The following PRRC2B variants were observed in gnomAD, a reference collection of about 807,000 sequenced individuals.
PRRC2B encodes proline rich coiled-coil 2B, also known as protein PRRC2B.
PRRC2B carries 68 observed loss-of-function variants against 242.3 expected under a neutral mutation model. That is an observed-to-expected ratio of 0.28 (90% confidence interval 0.23 to 0.34). The LOEUF is 0.34. Ranked by LOEUF, PRRC2B falls within the 10% of genes least tolerant of loss-of-function variation. The pLI, the probability that PRRC2B is intolerant of heterozygous loss-of-function variation, is 1.00. For missense variants in PRRC2B, 2,835 were observed against 2,954.8 expected (o/e 0.96, Z 0.94); for synonymous variants, 1,228 against 1,173.6 (o/e 1.05, Z -0.95).
intron 1 of PRRC2B, among the ~76,000 whole-genome samples, chr9:131,382,628 C>T (rs1473039144): frequency 1.3e-5 from 2 of 151,636 alleles, no homozygotes; most frequent in Non-Finnish European, 2.9e-5. Flanking sequence ...ATTTTTAGCT[C>T]CAGGCCCCCA....
At chr9:131,432,106 T>C (rs1838196147) in intron 2 of PRRC2B, among the ~76,000 whole-genome samples, 1 of 152,132 alleles carries the variant, frequency 6.6e-6, no homozygotes, top group Non-Finnish European at 1.5e-5. Context: ...TTATCAGCCT[T>C]TTTAGCTTTC....
At chr9:131,483,523 A>G in intron 23 of PRRC2B, 78 bp downstream of exon 23, 2 of 1,295,004 alleles carry the variant, frequency 1.5e-6, no homozygotes, top group Non-Finnish European at 2.2e-6. Flanking sequence ...CAGCACATGT[A>G]TTTCAGGCTG....
At chr9:131,393,499 G>A (rs1480149519), upstream of PRRC2B, among the ~76,000 whole-genome samples, 29 of 152,182 alleles carry the variant, frequency 1.9e-4, no homozygotes, top group Admixed American at 1.9e-3. Flanking sequence ...TTTTCATTTT[G>A]TAAAAATGGG....
At position 131,474,654 on chromosome 9, in the gene PRRC2B, C is replaced by T. The variant is rs1329521519; in HGVS notation, c.2525C>T (p.Ala842Val). 4 of 1,613,766 alleles carry T rather than the reference C, an allele frequency of 2.5e-6. No individual in the cohort carries two copies. Among genetic ancestry groups the T allele is most frequent in the Non-Finnish European group, 3.4e-6 (4 of 1,179,786 alleles). Residue 842 changes from alanine (A) to valine (V), a missense_variant, in exon 16 of 32, where the codon GCT becomes GTT. Coordinates refer to ENST00000683519, the MANE Select transcript of PRRC2B (RefSeq NM_013318.4). ...CAAGAAAATGTTCAGGATGCAGGTGCTCCTGGGGGTCACACCCAAAACCTC... is the reference window on the plus strand; with the variant it reads ...CAAGAAAATGTTCAGGATGCAGGTGTTCCTGGGGGTCACACCCAAAACCTC... ...PPQENVQDAG[A>V]PGGHTQNLRC...
At chr9:131,438,882 G>A in intron 4 of PRRC2B, 107 bp from the exon 5 acceptor site, 1 of 818,148 alleles carries the variant, frequency 1.2e-6, no homozygotes, top group East Asian at 2.7e-5. Flanking sequence ...GATCCGTATA[G>A]GGTTTGAATC....
chr9:131,477,336 AT>A, intron 16 of PRRC2B, among the ~76,000 whole-genome samples: 1 of 152,260 alleles, frequency 6.6e-6, no homozygotes, highest in African/African-American at 2.4e-5. Flanking sequence ...GTGGCATCTA[AT>A]CCAGCTTTCC....
At chr9:131,452,359 T>C (rs1942949596) in intron 9 of PRRC2B, among the ~76,000 whole-genome samples, 1 of 152,168 alleles carries the variant, frequency 6.6e-6, no homozygotes, top group Non-Finnish European at 1.5e-5. Context: ...TCAGTTTTCA[T>C]TGTGGAAATG....
Position 131,436,503 on chromosome 9 carries a change from T to C in PRRC2B, c.294-117T>C, listed in dbSNP as rs1838377617. 4.4e-6 allele frequency: 3 copies of C among 674,288 alleles called. No individual in the cohort carries two copies. The Admixed American group carries it at 8.4e-5, about 19-fold the overall frequency. The allele number at this position is 674,288 out of a possible 1,614,324, so 41.8% of individuals were successfully genotyped here. A position where few individuals can be genotyped will look rare whatever the true frequency, so the allele number is the denominator to read the frequency against. On this transcript the variant is annotated intron_variant, in intron 3 of 31. Transcript: ENST00000683519. ...CTACTGGGGAAAGTCGTATTTTTAT[T>C]GGCCAGAGGAGGTCTGCTTCCTGTG...
At chr9:131,416,326 C>A (rs1432297063) in intron 1 of PRRC2B, among the ~76,000 whole-genome samples, 1 of 152,106 alleles carries the variant, frequency 6.6e-6, no homozygotes, top group East Asian at 1.9e-4. Context: ...CCAGGCTGGT[C>A]TCGAACCCCT....
Position 131,473,543 on chromosome 9 carries a change from A to T in PRRC2B, c.2143A>T (p.Asn715Tyr). Residue 715 changes from asparagine to tyrosine, a missense_variant, in exon 15 of 32, where the codon AAT becomes TAT. Transcript: ENST00000683519. ...MKPMMPQESL[N>Y]GTGCRSEDQN... Reference sequence around the variant, plus strand: ...GCCCATGATGCCCCAGGAGTCCCTCAATGGGACAGGCTGTCGCTCTGAGGA... The same window carrying T: ...GCCCATGATGCCCCAGGAGTCCCTCTATGGGACAGGCTGTCGCTCTGAGGA... The T allele has an allele frequency of 6.2e-7, 1 of 1,608,778 alleles. No individual in the cohort carries two copies. The highest frequency in any genetic ancestry group is 1.1e-5 in the South Asian group (1 of 89,884).
chr9:131,424,717 C>T (rs544093234), intron 1 of PRRC2B, among the ~76,000 whole-genome samples: 21 of 152,160 alleles, frequency 1.4e-4, no homozygotes, highest in Middle Eastern at 3.4e-3. Flanking sequence ...AGATGGAGGG[C>T]ATTAAAGAAA....
Position 131,476,476 on chromosome 9 carries a change from T to C in PRRC2B, c.4347T>C (p.Gly1449=). The change falls in exon 16 of 32, where the codon GGT becomes GGC. Residue 1449 remains glycine (G), a synonymous_variant. Transcript: ENST00000683519. ...GFGEKPVRPG[G]GDTSPRYESQ... ...GGGAGAAGCCCGTTAGGCCAGGTGG[T>C]GGTGACACCTCCCCTCGCTATGAGA... The C allele has an allele frequency of 6.2e-7, 1 of 1,612,160 alleles. No homozygotes were observed. The highest frequency in any genetic ancestry group is 1.1e-5 in the South Asian group (1 of 90,972).
chr9:131,475,633 C>A lies in PRRC2B; in HGVS notation c.3504C>A (p.Thr1168=). Residue 1168 remains threonine (T), a synonymous_variant, in exon 16 of 32, where the codon ACC becomes ACA. Transcript: ENST00000683519. The stretch of plus-strand genomic sequence containing the variant: ...CGCTCCTGGAGAGGGAGGAGAGCAC[C>A]TTGAAGAAGGGCGACTGCAGAGATT... ...EGSLLEREES[T]LKKGDCRDSW... is the part of the protein sequence containing the mutation. The A allele has an allele frequency of 1.2e-6, 2 of 1,611,554 alleles. No individual in the cohort carries two copies. Among genetic ancestry groups the A allele is most frequent in the South Asian group, 1.1e-5 (1 of 90,886 alleles).
At chr9:131,468,837 G>C (rs2131431748) in intron 13 of PRRC2B, among the ~76,000 whole-genome samples, 1 of 152,146 alleles carries the variant, frequency 6.6e-6, no homozygotes, top group East Asian at 1.9e-4. Context: ...CTCTCCTCTG[G>C]GCACCTGGGA....
At chr9:131,402,092 C>T (rs1421246992) in intron 1 of PRRC2B, among the ~76,000 whole-genome samples, 2 of 152,002 alleles carry the variant, frequency 1.3e-5, no homozygotes, top group Non-Finnish European at 2.9e-5. Context: ...GCCTCAGCCT[C>T]CTGAATAGCT....
rs1409515522 is a variant in PRRC2B at position 131,447,693 on chromosome 9, C to T, written c.1009C>T (p.Leu337Phe). 1.2e-6 allele frequency: 2 copies of T among 1,611,372 alleles called. No individual in the cohort carries two copies. Among genetic ancestry groups the T allele is most frequent in the South Asian group, 1.1e-5 (1 of 90,718 alleles). ...AAACAGGCTGGGATTGTCTCGCCCA[C>T]TCCGCCCACTAAGGCAGCTGGTGGA... ...KENRLGLSRP[L>F]RPLRQLVERA... is the part of the protein sequence containing the mutation. Residue 337 changes from leucine (L) to phenylalanine (F), a missense_variant, in exon 9 of 32, where the codon CTC becomes TTC. Transcript: ENST00000683519.
At chr9:131,389,260 A>G (rs1836868542), upstream of PRRC2B, among the ~76,000 whole-genome samples, 1 of 147,446 alleles carries the variant, frequency 6.8e-6, no homozygotes, top group Admixed American at 7.2e-5. Context: ...GAATCAAGCG[A>G]TTCTCCTGCC....
chr9:131,482,287 A>G lies in PRRC2B; in HGVS notation c.4984-84A>G. The G allele has an allele frequency of 1.4e-6, 2 of 1,428,038 alleles. No individual in the cohort carries two copies. Among genetic ancestry groups the G allele is most frequent in the South Asian group, 1.4e-5 (1 of 71,570 alleles). The allele number at this position is 1,428,038 out of a possible 1,614,324, so 88.5% of individuals were successfully genotyped here. ...CAAGGGACAGGCAGCTGGGGTAGAA[A>G]AGTCTCTGTGCCACATGCAGTTTTA... is the stretch of plus-strand genomic sequence containing the variant. On this transcript the variant is annotated intron_variant, in intron 20 of 31. Coordinates refer to ENST00000683519, the MANE Select transcript of PRRC2B (RefSeq NM_013318.4). The surrounding 1 kb of genome is among the most constrained non-coding windows in gnomAD (Gnocchi z 5.2).
intron 29 of PRRC2B, among the ~76,000 whole-genome samples, chr9:131,491,795 C>G (rs1588284722): frequency 1.3e-5 from 2 of 152,338 alleles, no homozygotes; most frequent in South Asian, 4.1e-4. Flanking sequence ...GCATTCCTCC[C>G]CAGCTCCCCA....
Sources: allele counts gnomAD v4.1 joint callset (sites outside exome capture counted in the v4.1 genomes callset), GRCh38; gene constraint gnomAD v4.1.1; non-coding constraint Gnocchi (gnomAD v3.1); transcripts MANE v1.5; gene names NCBI Gene and HGNC (gene_info 2026-07-23, HGNC 2026-07-21).